BMAL1: variants seen among roughly 807,000 people sequenced by gnomAD.
BMAL1 encodes basic helix-loop-helix ARNT like 1, also known as basic helix-loop-helix ARNT-like protein 1.
At chr11:13,357,538 TG>T in the BMAL1 span, among the ~76,000 whole-genome samples, 1 of 152,334 alleles carries the variant, frequency 6.6e-6, no homozygotes. The surrounding 1 kb of genome is among the most constrained non-coding windows in gnomAD (Gnocchi z 4.8). Flanking sequence ...GTAGATTCTC[TG>T]CCTGGGTCTG....
chr11:13,374,865 C>A, the BMAL1 span, among the ~76,000 whole-genome samples: 1 of 152,196 alleles, frequency 6.6e-6, no homozygotes, highest in Admixed American at 6.5e-5. Flanking sequence ...GACAGGCAAT[C>A]AAATGTGAGA....
chr11:13,315,560 A>G, the BMAL1 span, among the ~76,000 whole-genome samples: 1 of 152,210 alleles, frequency 6.6e-6, no homozygotes, highest in African/African-American at 2.4e-5. Flanking sequence ...GTGACAGAGC[A>G]GGAGTTTATC....
chr11:13,282,766 G>T, the BMAL1 span, among the ~76,000 whole-genome samples: 1 of 152,304 alleles, frequency 6.6e-6, no homozygotes, highest in Admixed American at 6.5e-5. Flanking sequence ...TCACCTGCTC[G>T]CTCAGCCTGA....
the BMAL1 span, among the ~76,000 whole-genome samples, chr11:13,289,915 G>A: frequency 6.6e-6 from 1 of 152,172 alleles, no homozygotes; most frequent in Non-Finnish European, 1.5e-5. Context: ...GGATCACTGG[G>A]TCAAATGATA....
the BMAL1 span, among the ~76,000 whole-genome samples, chr11:13,335,587 C>T: frequency 6.6e-6 from 1 of 152,196 alleles, no homozygotes; most frequent in South Asian, 2.1e-4. Flanking sequence ...GCCTAATGCT[C>T]AGTGCATTCT....
chr11:13,317,920 C>T, the BMAL1 span, among the ~76,000 whole-genome samples: 4 of 152,220 alleles, frequency 2.6e-5, no homozygotes, highest in African/African-American at 9.6e-5. Context: ...TTGTTCAGCA[C>T]TCATAGTGTT....
At chr11:13,345,582 G>T in the BMAL1 span, among the ~76,000 whole-genome samples, 2 of 152,066 alleles carry the variant, frequency 1.3e-5, no homozygotes, top group Non-Finnish European at 2.9e-5. Context: ...TTATACTTTG[G>T]GGGGTGGTTT....
At chr11:13,356,114 C>T in the BMAL1 span, among the ~76,000 whole-genome samples, 14 of 152,228 alleles carry the variant, frequency 9.2e-5, no homozygotes, top group Non-Finnish European at 1.9e-4. Flanking sequence ...GCTGTGACCC[C>T]AGGACTTCTG....
the BMAL1 span, among the ~76,000 whole-genome samples, chr11:13,384,589 C>G: frequency 6.6e-6 from 1 of 152,128 alleles, no homozygotes; most frequent in South Asian, 2.1e-4. Flanking sequence ...CCTCCCTTTT[C>G]CAACTACTTA....
At chr11:13,277,631 G>C in the BMAL1 span, 1 of 148,072 alleles carries the variant, frequency 6.8e-6, no homozygotes, top group African/African-American at 2.5e-5. Flanking sequence ...GCCGGGACCG[G>C]CTCCCTTCGG....
At chr11:13,277,023 G>A in the BMAL1 span, 1 of 152,278 alleles carries the variant, frequency 6.6e-6, no homozygotes, top group African/African-American at 2.4e-5. Context: ...GGAACTACGG[G>A]AATGACAGCT....
the BMAL1 span, chr11:13,353,242 C>A: frequency 1.3e-5 from 2 of 154,228 alleles, no homozygotes; most frequent in African/African-American, 2.4e-5. Flanking sequence ...ACATCTGTCA[C>A]CCCATTGGTC....
At chr11:13,368,242 G>T in the BMAL1 span, among the ~76,000 whole-genome samples, 1 of 152,216 alleles carries the variant, frequency 6.6e-6, no homozygotes. Flanking sequence ...CAGGCATAGA[G>T]AACGGATGAT....
At chr11:13,359,569 G>T in the BMAL1 span, among the ~76,000 whole-genome samples, 1 of 152,178 alleles carries the variant, frequency 6.6e-6, no homozygotes, top group Non-Finnish European at 1.5e-5. Flanking sequence ...CAGGGATAGG[G>T]ATCAATAGGA....
chr11:13,346,693 T>G, the BMAL1 span, among the ~76,000 whole-genome samples: 131 of 152,286 alleles, frequency 8.6e-4, 1 homozygote, highest in Non-Finnish European at 1.7e-3. Flanking sequence ...CAAGGCATCT[T>G]GCGCAAGTCC....
At chr11:13,297,128 T>C in the BMAL1 span, among the ~76,000 whole-genome samples, 1 of 152,362 alleles carries the variant, frequency 6.6e-6, no homozygotes, top group East Asian at 1.9e-4. Context: ...AAGTTTAATA[T>C]GTAAGTGGTC....
chr11:13,350,110 A>G, the BMAL1 span: 2 of 152,222 alleles, frequency 1.3e-5, no homozygotes, highest in African/African-American at 4.8e-5. Context: ...CTGTGAACTC[A>G]TGATTCTTGG....
At chr11:13,375,902 C>A in the BMAL1 span, 1 of 773,710 alleles carries the variant, frequency 1.3e-6, no homozygotes, top group Non-Finnish European at 1.9e-6. Flanking sequence ...AGCCTCAGGA[C>A]TGGCAGAAGC....
At chr11:13,341,009 T>C in the BMAL1 span, among the ~76,000 whole-genome samples, 1 of 152,132 alleles carries the variant, frequency 6.6e-6, no homozygotes. Flanking sequence ...AGGGCTGGGA[T>C]TGGAACCCAA....
Sources: gnomAD v4.1 joint callset for allele counts (sites outside exome capture counted in the v4.1 genomes callset) on GRCh38, gnomAD v4.1.1 for gene constraint, Gnocchi (gnomAD v3.1) non-coding constraint, MANE v1.5 for transcripts, NCBI Gene and HGNC (gene_info 2026-07-23, HGNC 2026-07-21) for gene names.